Variants in PLCG2 observed in about 807,000 individuals in gnomAD.
The protein encoded by PLCG2 is 1-phosphatidylinositol 4,5-bisphosphate phosphodiesterase gamma-2.
A neutral mutation model predicts 175.6 loss-of-function variants in PLCG2; 69 were observed. The ratio of observed to expected loss-of-function variants is 0.39; its 90% confidence interval spans 0.32 to 0.48. The LOEUF (loss-of-function observed/expected upper bound fraction) is 0.48. Ranked by LOEUF, PLCG2 falls within the 20% of genes least tolerant of loss-of-function variation. PLCG2 has a pLI of 0.91. For missense variants in PLCG2, 1,798 were observed against 1,650.9 expected (o/e 1.09, Z -1.54); for synonymous variants, 827 against 624.0 (o/e 1.33, Z -4.85).
intron 2 of PLCG2, among the ~76,000 whole-genome samples, chr16:81,770,408 C>A (rs889855400): frequency 6.6e-6 from 1 of 152,144 alleles, no homozygotes; most frequent in Admixed American, 6.5e-5. Context: ...TATTGAACAG[C>A]CTTTAAAAAA....
At chr16:81,875,254 A>C (rs887769071) in intron 7 of PLCG2, among the ~76,000 whole-genome samples, 3 of 152,128 alleles carry the variant, frequency 2.0e-5, no homozygotes, top group South Asian at 4.1e-4. Flanking sequence ...GTGAGCCATC[A>C]TGCCCAACCT....
intron 2 of PLCG2, among the ~76,000 whole-genome samples, chr16:81,801,513 A>G (rs530556181): frequency 6.6e-6 from 1 of 152,272 alleles, no homozygotes; most frequent in South Asian, 2.1e-4. Flanking sequence ...AGCACGATAG[A>G]TTGATCTGTC....
chr16:81,851,783 G>T (rs551790141), intron 2 of PLCG2, among the ~76,000 whole-genome samples: 1 of 151,848 alleles, frequency 6.6e-6, no homozygotes, highest in South Asian at 2.1e-4. Context: ...AAAGTGCTGG[G>T]ATTACAGGCG....
chr16:81,847,384 C>A (rs1029731868), intron 2 of PLCG2, among the ~76,000 whole-genome samples: 1 of 152,154 alleles, frequency 6.6e-6, no homozygotes, highest in African/African-American at 2.4e-5. Flanking sequence ...AATCATTGGC[C>A]ATTGGTGACC....
intron 25 of PLCG2, among the ~76,000 whole-genome samples, chr16:81,933,724 C>G (rs1182186665): frequency 9.2e-5 from 14 of 152,142 alleles, no homozygotes; most frequent in Non-Finnish European, 2.1e-4. Flanking sequence ...GCTAAGCACC[C>G]CCCAAACAGT....
At chr16:81,821,140 C>G (rs1379154960) in intron 2 of PLCG2, among the ~76,000 whole-genome samples, 3 of 152,242 alleles carry the variant, frequency 2.0e-5, no homozygotes, top group African/African-American at 7.2e-5. Context: ...GATCTGCCCG[C>G]CTCGGCCTCC....
chr16:81,908,351 C>G, intron 16 of PLCG2, 65 bp from the exon 17 acceptor site: 1 of 1,420,030 alleles, frequency 7.0e-7, no homozygotes, highest in South Asian at 1.3e-5. Flanking sequence ...GACAGAAGGA[C>G]CTGTCTAGTG....
chr16:81,785,288 C>G (rs1910919403), intron 1 of PLCG2, among the ~76,000 whole-genome samples: 1 of 152,090 alleles, frequency 6.6e-6, no homozygotes, highest in African/African-American at 2.4e-5. Flanking sequence ...TGAACACTCC[C>G]ATTTTAAAAA....
chr16:81,906,938 T>C (rs1259124957), intron 15 of PLCG2, among the ~76,000 whole-genome samples: 1 of 150,744 alleles, frequency 6.6e-6, no homozygotes, highest in Non-Finnish European at 1.5e-5. Context: ...CTCAGGAGGC[T>C]GAGGCAGGAG....
chr16:81,750,663 A>ATTGTTTTTTTTTTTTT (rs1909790914), intron 1 of PLCG2, among the ~76,000 whole-genome samples: 1 of 68,446 alleles, frequency 1.5e-5, no homozygotes, highest in African/African-American at 5.0e-5. Flanking sequence ...GGGACTGGAG[A>ATTGTTTTTTTTTTTTT]TTTTTTTTTT....
intron 2 of PLCG2, among the ~76,000 whole-genome samples, chr16:81,830,331 A>G (rs1429170510): frequency 1.3e-5 from 2 of 151,998 alleles, no homozygotes; most frequent in Admixed American, 1.3e-4. Context: ...CTTGAGACAG[A>G]GTCTTGCTCT....
At chr16:81,793,761 C>G (rs904955370) in intron 2 of PLCG2, among the ~76,000 whole-genome samples, 1 of 152,208 alleles carries the variant, frequency 6.6e-6, no homozygotes, top group Non-Finnish European at 1.5e-5. Context: ...TCAAAGATAA[C>G]TCCTTAATCC....
intron 11 of PLCG2, among the ~76,000 whole-genome samples, 175 bp downstream of exon 11, chr16:81,891,765 C>T (rs578249227): frequency 1.0e-3 from 154 of 152,302 alleles, no homozygotes; most frequent in Non-Finnish European, 1.5e-3. Context: ...GAACACACTT[C>T]CCTTTGTCAG....
chr16:81,847,012 G>T (rs1294920050), intron 2 of PLCG2, among the ~76,000 whole-genome samples: 1 of 152,176 alleles, frequency 6.6e-6, no homozygotes, highest in Non-Finnish European at 1.5e-5. Flanking sequence ...CACAGGTTGA[G>T]AGCTCAGTCC....
chr16:81,948,062 C>T (rs4603554), intron 31 of PLCG2, among the ~76,000 whole-genome samples: 119,976 of 150,000 alleles, frequency 0.8, 47,520 homozygotes, highest in East Asian at 0.94. Context: ...AACGGAGAGT[C>T]AAGTCGTTGG....
chr16:81,832,979 C>T (rs1407271408), intron 2 of PLCG2, among the ~76,000 whole-genome samples: 1 of 152,178 alleles, frequency 6.6e-6, no homozygotes, highest in Non-Finnish European at 1.5e-5. Context: ...ATGACAGTAA[C>T]TGAGGGAAAC....
intron 9 of PLCG2, among the ~76,000 whole-genome samples, chr16:81,888,309 C>G (rs994345609): frequency 2.0e-5 from 3 of 152,144 alleles, no homozygotes; most frequent in Non-Finnish European, 2.9e-5. Context: ...CTCTTGGGTT[C>G]AAGCAATTCT....
intron 2 of PLCG2, among the ~76,000 whole-genome samples, chr16:81,762,564 G>A (rs7192004): frequency 0.52 from 77,633 of 150,336 alleles, 21,707 homozygotes; most frequent in Middle Eastern, 0.63. Flanking sequence ...GTGAGACTCC[G>A]TCTCAAAAAA....
chr16:81,755,222 G>T (rs868161153), intron 1 of PLCG2, among the ~76,000 whole-genome samples: 1 of 151,818 alleles, frequency 6.6e-6, no homozygotes, highest in African/African-American at 2.4e-5. Context: ...TTTGAGACAA[G>T]GCCTCACTCT....
Sources: gnomAD v4.1 joint callset for allele counts (sites outside exome capture counted in the v4.1 genomes callset) on GRCh38, gnomAD v4.1.1 for gene constraint, MANE v1.5 for transcripts, NCBI Gene and HGNC (gene_info 2026-07-23, HGNC 2026-07-21) for gene names.